Variants in MAPKAP1 observed in about 807,000 individuals in gnomAD.
MAPKAP1 encodes target of rapamycin complex 2 subunit MAPKAP1.
In MAPKAP1, 20 loss-of-function variants were observed where a neutral mutation model predicts 65.7. The ratio of observed to expected loss-of-function variants is 0.30; its 90% CI spans 0.21 to 0.44. The LOEUF (loss-of-function observed/expected upper bound fraction) is 0.44. Among genes scored for constraint, MAPKAP1 ranks in the 20% least tolerant of loss-of-function variants. The pLI is 1.00. For missense variants in MAPKAP1, 423 were observed against 648.0 expected, an observed-to-expected ratio of 0.65 and a Z score of 3.77; for synonymous variants, 222 against 244.3, an observed-to-expected ratio of 0.91 and a Z score of 0.85.
At chr9:125,676,437 T>C (rs1168987774) in intron 1 of MAPKAP1, among the ~76,000 whole-genome samples, 1 of 152,214 alleles carries the variant, frequency 6.6e-6, no homozygotes, top group African/African-American at 2.4e-5. Flanking sequence ...GGAATATTGT[T>C]CAGCCTTCAA....
intron 4 of MAPKAP1, among the ~76,000 whole-genome samples, chr9:125,606,558 C>T (rs1159234087): frequency 2.6e-5 from 4 of 152,150 alleles, no homozygotes; most frequent in African/African-American, 7.2e-5. Flanking sequence ...ATACTGTCCT[C>T]GCACATTCCC....
chr9:125,472,271 G>A (rs1853951528), intron 9 of MAPKAP1, among the ~76,000 whole-genome samples: 1 of 152,172 alleles, frequency 6.6e-6, no homozygotes, highest in Non-Finnish European at 1.5e-5. Context: ...AGAGCTGCCT[G>A]GGTCTCAAGT....
At chr9:125,515,847 A>G (rs1201091583) in intron 7 of MAPKAP1, among the ~76,000 whole-genome samples, 1 of 152,198 alleles carries the variant, frequency 6.6e-6, no homozygotes, top group African/African-American at 2.4e-5. Flanking sequence ...AAACAACAAC[A>G]GTGCCATCAT....
At chr9:125,524,379 A>G (rs901305224) in intron 7 of MAPKAP1, among the ~76,000 whole-genome samples, 2 of 152,254 alleles carry the variant, frequency 1.3e-5, no homozygotes, top group Non-Finnish European at 2.9e-5. Flanking sequence ...CATGTAAAGC[A>G]CTTAGTTTGG....
At chr9:125,509,514 C>T (rs1829239417) in intron 7 of MAPKAP1, among the ~76,000 whole-genome samples, 1 of 152,144 alleles carries the variant, frequency 6.6e-6, no homozygotes, top group Admixed American at 6.5e-5. Flanking sequence ...TTTGAGGCTA[C>T]TATAATTAGC....
chr9:125,649,089 G>A (rs1046598522), intron 4 of MAPKAP1, among the ~76,000 whole-genome samples: 15 of 152,156 alleles, frequency 9.9e-5, no homozygotes, highest in Non-Finnish European at 1.5e-4. Flanking sequence ...TTCTTCGAGG[G>A]AGAAGACAAT....
intron 5 of MAPKAP1, among the ~76,000 whole-genome samples, chr9:125,566,598 GAAA>G (rs959568977): frequency 1.3e-4 from 12 of 90,548 alleles, no homozygotes; most frequent in Admixed American, 4.4e-4. Flanking sequence ...AAAAGAAAAA[GAAA>G]AAAGACTTCT....
intron 10 of MAPKAP1, among the ~76,000 whole-genome samples, chr9:125,457,430 C>T (rs1032837690): frequency 2.6e-5 from 4 of 152,144 alleles, no homozygotes; most frequent in Non-Finnish European, 5.9e-5. Flanking sequence ...TTTTAAGGTA[C>T]TTCTCTGTGA....
intron 4 of MAPKAP1, among the ~76,000 whole-genome samples, chr9:125,597,076 CAA>C (rs1832152925): frequency 6.6e-6 from 1 of 150,634 alleles, no homozygotes; most frequent in African/African-American, 2.4e-5. Context: ...TCCTGGCTAA[CAA>C]AGTGAAACCC....
At chr9:125,459,319 T>C (rs1853360497) in intron 10 of MAPKAP1, among the ~76,000 whole-genome samples, 1 of 146,400 alleles carries the variant, frequency 6.8e-6, no homozygotes, top group Non-Finnish European at 1.5e-5. Flanking sequence ...GAGATGCTCC[T>C]CACTTTCCAG....
intron 5 of MAPKAP1, among the ~76,000 whole-genome samples, chr9:125,576,198 A>G (rs1240378325): frequency 1.3e-5 from 2 of 152,220 alleles, no homozygotes; most frequent in Non-Finnish European, 2.9e-5. Flanking sequence ...TAGATGGAGC[A>G]CAGGACATTT....
intron 7 of MAPKAP1, among the ~76,000 whole-genome samples, chr9:125,532,746 T>G (rs191396265): frequency 2.0e-5 from 3 of 152,340 alleles, no homozygotes; most frequent in Non-Finnish European, 2.9e-5. Context: ...TGTCCTTAGA[T>G]CTGCTGCCCC....
intron 1 of MAPKAP1, chr9:125,696,128 T>C (rs1051507054): frequency 2.0e-5 from 3 of 152,018 alleles, no homozygotes; most frequent in African/African-American, 4.8e-5. Context: ...AAAACTGAAA[T>C]CCAAACAAAC....
chr9:125,693,426 A>AATAT (rs1554844322), intron 1 of MAPKAP1, among the ~76,000 whole-genome samples: 1 of 131,286 alleles, frequency 7.6e-6, no homozygotes, highest in East Asian at 2.2e-4. Context: ...AAAAAAAAAA[A>AATAT]ATATATATAT....
At chr9:125,622,107 T>C (rs771113116) in intron 4 of MAPKAP1, among the ~76,000 whole-genome samples, 2 of 151,370 alleles carry the variant, frequency 1.3e-5, no homozygotes, top group African/African-American at 4.9e-5. Flanking sequence ...AAGTGGAGAG[T>C]AGAATTGTGG....
chr9:125,512,475 C>CA (rs1829330052), intron 7 of MAPKAP1, among the ~76,000 whole-genome samples: 1 of 152,224 alleles, frequency 6.6e-6, no homozygotes, highest in Non-Finnish European at 1.5e-5. Flanking sequence ...ATGACCTGGA[C>CA]ATGCATTTCT....
chr9:125,499,138 G>A (rs1828896786), intron 8 of MAPKAP1, among the ~76,000 whole-genome samples: 1 of 152,222 alleles, frequency 6.6e-6, no homozygotes, highest in African/African-American at 2.4e-5. Flanking sequence ...AGGCCAGGAT[G>A]TGAACTGAGA....
intron 4 of MAPKAP1, among the ~76,000 whole-genome samples, chr9:125,647,650 A>G (rs1474457432): frequency 1.3e-5 from 2 of 152,208 alleles, no homozygotes; most frequent in Non-Finnish European, 2.9e-5. Context: ...TGTAAAGTAT[A>G]GTTTCTCCAC....
At chr9:125,668,605 A>G (rs1277754630) in intron 3 of MAPKAP1, among the ~76,000 whole-genome samples, 1 of 152,216 alleles carries the variant, frequency 6.6e-6, no homozygotes, top group African/African-American at 2.4e-5. Context: ...TAACCACTAT[A>G]AAATATTTTA....
Sources: gnomAD v4.1 joint callset for allele counts (sites outside exome capture counted in the v4.1 genomes callset) on GRCh38, gnomAD v4.1.1 for gene constraint, MANE v1.5 for transcripts, NCBI Gene and HGNC (gene_info 2026-07-23, HGNC 2026-07-21) for gene names.